The following ERC1 variants were observed in gnomAD, a reference collection of about 807,000 sequenced individuals.
ERC1 encodes the protein RAB6 interacting protein 2.
A neutral mutation model predicts 132.0 loss-of-function variants in ERC1; 56 were observed. The observed-to-expected ratio is 0.42, with a 90% CI of 0.34 to 0.53. The LOEUF (loss-of-function observed/expected upper bound fraction) is 0.53. Among genes scored for constraint, ERC1 ranks in the 20% least tolerant of loss-of-function variants. The pLI is 0.03. For missense variants in ERC1, 1,202 were observed against 1,349.9 expected (o/e 0.89, Z 1.72); for synonymous variants, 478 against 476.1 (o/e 1.00, Z -0.05).
intron 8 of ERC1, among the ~76,000 whole-genome samples, chr12:1,144,983 G>T (rs1463486870): frequency 6.6e-6 from 1 of 151,148 alleles, no homozygotes; most frequent in Non-Finnish European, 1.5e-5. Flanking sequence ...ATCGCATTGT[G>T]GTTTTGATTT....
rs777094205 is a variant in ERC1, at chr12:1,371,931, C to G, written c.2879C>G (p.Ala960Gly). ...AAGAAGACCCAAGAGGAAGTGGCTG[C>G]CCTGAAGCGGGAGAAGGATCGTCTG... The part of the protein sequence containing the change: ...SKKKTQEEVA[A>G]LKREKDRLVQ... The change falls in exon 16 of 19, where the codon GCC (alanine) becomes GGC (glycine). Residue 960 changes from alanine to glycine, a missense_variant. Transcript: ENST00000360905. 6.2e-7 allele frequency: 1 copy of G among 1,614,034 alleles called. No homozygotes were observed. Among genetic ancestry groups the G allele is most frequent in the Non-Finnish European group, 8.5e-7 (1 of 1,180,030 alleles).
At chr12:1,046,541 A>C (rs1971110020) in intron 2 of ERC1, among the ~76,000 whole-genome samples, 1 of 152,198 alleles carries the variant, frequency 6.6e-6, no homozygotes, top group Admixed American at 6.5e-5. Context: ...CCAGTGGTAG[A>C]TAGAGTAGTT....
intron 2 of ERC1, among the ~76,000 whole-genome samples, chr12:1,074,197 T>C (rs1351573242): frequency 2.0e-5 from 3 of 152,188 alleles, no homozygotes; most frequent in Non-Finnish European, 2.9e-5. Context: ...TGTAATGTTA[T>C]GGGACCACCA....
intron 8 of ERC1, among the ~76,000 whole-genome samples, chr12:1,143,631 G>A (rs1278558503): frequency 6.7e-6 from 1 of 149,196 alleles, no homozygotes; most frequent in African/African-American, 2.5e-5. Flanking sequence ...TTTAGAATCA[G>A]CTTTTATCAT....
At chr12:1,051,298 G>A (rs1345509238) in intron 2 of ERC1, among the ~76,000 whole-genome samples, 1 of 152,060 alleles carries the variant, frequency 6.6e-6, no homozygotes, top group Non-Finnish European at 1.5e-5. Context: ...TGTATATTCT[G>A]GGTTGAGGAT....
chr12:1,320,790 C>T (rs1245992050), intron 15 of ERC1, among the ~76,000 whole-genome samples: 4 of 152,182 alleles, frequency 2.6e-5, no homozygotes, highest in Non-Finnish European at 5.9e-5. Context: ...CAAGCTCTGC[C>T]TCCCGGGTTC....
intron 7 of ERC1, among the ~76,000 whole-genome samples, chr12:1,125,545 G>A (rs1948068030): frequency 6.6e-6 from 1 of 152,138 alleles, no homozygotes; most frequent in Non-Finnish European, 1.5e-5. Flanking sequence ...GCCGGGCACG[G>A]TGGCTCACGC....
intron 2 of ERC1, among the ~76,000 whole-genome samples, chr12:1,076,468 C>T (rs1476034207): frequency 6.7e-6 from 1 of 149,508 alleles, no homozygotes; most frequent in Non-Finnish European, 1.5e-5. Flanking sequence ...GATCTCAGCT[C>T]ACTGCAACCT....
chr12:1,036,568 G>A (rs1969135997), intron 2 of ERC1, among the ~76,000 whole-genome samples: 1 of 151,996 alleles, frequency 6.6e-6, no homozygotes, highest in African/African-American at 2.4e-5. Context: ...TAGAGATGGT[G>A]TTTCGCCATG....
rs542859694 is a variant in ERC1 at position 1,234,254 on chromosome 12, T to C, written c.2352-2515T>C. Among the ~76,000 whole-genome samples, 4 of 152,340 alleles carry C rather than the reference T, an allele frequency of 2.6e-5. No individual in the cohort carries two copies. The South Asian group carries it at 8.3e-4, about 32-fold the overall frequency. ...TTTTGATCTTTTCCTGTGCTATTGG[T>C]ATGTAATATGATACTCTCTTGTGAT... On this transcript the variant is annotated intron_variant, in intron 12 of 18. Coordinates refer to ENST00000360905, the MANE Select transcript of ERC1 (RefSeq NM_178040.4).
rs1166914562 is a variant in ERC1 at position 1,494,871 on chromosome 12, A to G, written c.*4641A>G. 1 of 230,382 alleles carries G rather than the reference A, an allele frequency of 4.3e-6. No individual in the cohort carries two copies. Among genetic ancestry groups the G allele is most frequent in the Non-Finnish European group, 8.6e-6 (1 of 116,226 alleles). 14.3% of individuals were successfully genotyped at this position (230,382 alleles called of 1,614,324 possible). A position where few individuals can be genotyped will look rare whatever the true frequency, so the allele number is the denominator to read the frequency against. ...TCTTGTTAATAAAGGAATTCAAGCT[A>G]TGGGGCAGCCACACTCCCCTCCTCC... On this transcript the variant is annotated 3_prime_UTR_variant, in exon 19 of 19. Transcript: ENST00000360905.
At chr12:1,393,558 A>G (rs1298624123) in intron 16 of ERC1, among the ~76,000 whole-genome samples, 2 of 149,766 alleles carry the variant, frequency 1.3e-5, no homozygotes, top group Non-Finnish European at 3.0e-5. Context: ...AAGAACTTTT[A>G]TTCTTGTGAT....
At chr12:999,761 A>T (rs758444273) in intron 1 of ERC1, among the ~76,000 whole-genome samples, 11 of 151,974 alleles carry the variant, frequency 7.2e-5, no homozygotes, top group Non-Finnish European at 1.5e-4. Context: ...ACGGCCAGCT[A>T]ATTTTGTATT....
intron 2 of ERC1, 48 bp downstream of exon 2, chr12:1,028,620 A>G (rs1261157270): frequency 7.0e-7 from 1 of 1,429,316 alleles, no homozygotes; most frequent in African/African-American, 1.4e-5. Flanking sequence ...CATGTATATA[A>G]ATGAAATAGC....
At chr12:1,016,715 A>G (rs1473016355) in intron 1 of ERC1, among the ~76,000 whole-genome samples, 8 of 137,680 alleles carry the variant, frequency 5.8e-5, no homozygotes, top group African/African-American at 1.9e-4. Flanking sequence ...TGCGATCTCG[A>G]TCTCGGCTCA....
intron 2 of ERC1, among the ~76,000 whole-genome samples, chr12:1,061,989 C>CTTTT (rs896825718): frequency 2.1e-4 from 25 of 117,384 alleles, no homozygotes; most frequent in African/African-American, 6.2e-4. Context: ...TTCTTTTCTT[C>CTTTT]TTTTTTTTTT....
At chr12:1,010,393 A>C (rs1335922795) in intron 1 of ERC1, among the ~76,000 whole-genome samples, 1 of 151,010 alleles carries the variant, frequency 6.6e-6, no homozygotes, top group Non-Finnish European at 1.5e-5. Flanking sequence ...AGGCAGGAGA[A>C]TCGCTTGAAC....
At chr12:1,138,267 TATAA>T (rs1566060608) in intron 7 of ERC1, among the ~76,000 whole-genome samples, 1 of 134,084 alleles carries the variant, frequency 7.5e-6, no homozygotes, top group African/African-American at 2.8e-5. Flanking sequence ...TATTATATAA[TATAA>T]TTACAATATA....
At chr12:1,366,628 G>T (rs2086685601) in intron 15 of ERC1, among the ~76,000 whole-genome samples, 1 of 152,154 alleles carries the variant, frequency 6.6e-6, no homozygotes, top group Admixed American at 6.5e-5. Flanking sequence ...TATGGCAAGA[G>T]ACCTAATGAC....
Sources: allele counts gnomAD v4.1 joint callset (sites outside exome capture counted in the v4.1 genomes callset), GRCh38; gene constraint gnomAD v4.1.1; transcripts MANE v1.5; gene names NCBI Gene and HGNC (gene_info 2026-07-23, HGNC 2026-07-21).